LRRFIP2: variants seen among roughly 807,000 people sequenced by gnomAD.
LRRFIP2 encodes the protein LRR binding FLII interacting protein 2.
LRRFIP2 carries 109 observed loss-of-function variants against 125.9 expected under a neutral mutation model. The ratio of observed to expected loss-of-function variants is 0.87; its 90% CI spans 0.74 to 1.01. The LOEUF (loss-of-function observed/expected upper bound fraction) is 1.01. LRRFIP2 is among the 50% of genes least tolerant of loss of function. The pLI is 0.00. For synonymous variants in LRRFIP2, 291 were observed against 293.1 expected, an observed-to-expected ratio of 0.99 and a Z score of 0.07; for missense variants, 850 against 862.3, an observed-to-expected ratio of 0.99 and a Z score of 0.18.
At chr3:37,159,792 C>G (rs571948065) in intron 1 of LRRFIP2, among the ~76,000 whole-genome samples, 4 of 150,468 alleles carry the variant, frequency 2.7e-5, no homozygotes, top group African/African-American at 9.8e-5. Flanking sequence ...CAGGCGTGAG[C>G]CACTGCACCC....
intron 20 of LRRFIP2, among the ~76,000 whole-genome samples, chr3:37,073,672 CAA>C (rs2091626191): frequency 6.6e-6 from 1 of 152,106 alleles, no homozygotes; most frequent in Admixed American, 6.5e-5. Context: ...CTATAGTTCT[CAA>C]AGTTTGTATA....
intron 1 of LRRFIP2, among the ~76,000 whole-genome samples, chr3:37,151,811 T>C (rs1424838604): frequency 6.6e-6 from 1 of 152,160 alleles, no homozygotes; most frequent in Non-Finnish European, 1.5e-5. Context: ...TTGGCCAGGC[T>C]GGTCTTGAAC....
chr3:37,094,442 C>T (rs1254510701), intron 17 of LRRFIP2, among the ~76,000 whole-genome samples: 1 of 152,106 alleles, frequency 6.6e-6, no homozygotes, highest in Non-Finnish European at 1.5e-5. Context: ...CTAATAATTC[C>T]CACAATCTAG....
chr3:37,144,910 T>A (rs569521089), intron 2 of LRRFIP2, among the ~76,000 whole-genome samples: 1 of 152,298 alleles, frequency 6.6e-6, no homozygotes, highest in African/African-American at 2.4e-5. Context: ...AGTAAAACAT[T>A]CAAAGAAAAT....
intron 2 of LRRFIP2, 90 bp downstream of exon 2, chr3:37,148,804 C>G (rs1301085761): frequency 4.3e-6 from 6 of 1,391,902 alleles, no homozygotes; most frequent in Admixed American, 4.0e-5. Context: ...GAAACTAGTT[C>G]AATGAGTAAA....
At chr3:37,174,260 T>C (rs569162818) in intron 1 of LRRFIP2, 1 of 152,226 alleles carries the variant, frequency 6.6e-6, no homozygotes, top group South Asian at 2.1e-4. Flanking sequence ...AAAACAAGGG[T>C]AAGGGTATTA....
intron 1 of LRRFIP2, among the ~76,000 whole-genome samples, chr3:37,173,891 T>C (rs766039141): frequency 6.6e-6 from 1 of 152,344 alleles, no homozygotes; most frequent in Non-Finnish European, 1.5e-5. Flanking sequence ...TTTCCTTTCG[T>C]TAACGGAGAT....
intron 8 of LRRFIP2, 55 bp from the exon 9 acceptor site, chr3:37,111,120 C>A: frequency 4.1e-6 from 6 of 1,457,350 alleles, no homozygotes; most frequent in Non-Finnish European, 5.7e-6. Flanking sequence ...AATAACCTAA[C>A]AACACACAAA....
intron 25 of LRRFIP2, 103 bp downstream of exon 25, chr3:37,058,687 A>G (rs2087638089): frequency 1.5e-5 from 19 of 1,305,442 alleles, no homozygotes; most frequent in Non-Finnish European, 1.6e-5. Context: ...AAAAAAAAAA[A>G]AAAAGAAAAG....
chr3:37,089,940 A>T (rs1299899839), intron 18 of LRRFIP2, among the ~76,000 whole-genome samples: 1 of 152,174 alleles, frequency 6.6e-6, no homozygotes, highest in African/African-American at 2.4e-5. Context: ...TTACTGACAA[A>T]CTCATGCTGC....
At chr3:37,146,410 T>G (rs950350576) in intron 2 of LRRFIP2, among the ~76,000 whole-genome samples, 2 of 152,148 alleles carry the variant, frequency 1.3e-5, no homozygotes, top group Non-Finnish European at 2.9e-5. Context: ...ACCTATCACC[T>G]AGGTATTTAG....
chr3:37,122,663 T>C (rs999923564), intron 4 of LRRFIP2, among the ~76,000 whole-genome samples: 10 of 152,188 alleles, frequency 6.6e-5, no homozygotes, highest in Non-Finnish European at 1.5e-4. Context: ...GATTGTGTTG[T>C]TAATATGAAA....
chr3:37,113,140 T>A (rs946123789), intron 7 of LRRFIP2, among the ~76,000 whole-genome samples, 160 bp from the exon 8 acceptor site: 3 of 152,172 alleles, frequency 2.0e-5, no homozygotes, highest in Non-Finnish European at 4.4e-5. Context: ...TCACTGCACT[T>A]TACTAGCTAG....
chr3:37,059,527 G>A (rs1488274177), intron 24 of LRRFIP2, among the ~76,000 whole-genome samples: 1 of 152,114 alleles, frequency 6.6e-6, no homozygotes, highest in Non-Finnish European at 1.5e-5. Context: ...GGTGGCTCAC[G>A]CCTGTAATCC....
At chr3:37,161,532 T>A (rs1290233425) in intron 1 of LRRFIP2, among the ~76,000 whole-genome samples, 1 of 152,124 alleles carries the variant, frequency 6.6e-6, no homozygotes, top group Non-Finnish European at 1.5e-5. Flanking sequence ...TATAACAGAC[T>A]AGTGCTTTCC....
chr3:37,130,944 G>C (rs1008629704), intron 2 of LRRFIP2, among the ~76,000 whole-genome samples: 1 of 152,182 alleles, frequency 6.6e-6, no homozygotes, highest in African/African-American at 2.4e-5. Flanking sequence ...TGTGAAGAAG[G>C]AAAAAGAAAT....
chr3:37,150,949 C>T (rs1000698864), intron 1 of LRRFIP2, among the ~76,000 whole-genome samples: 5 of 152,184 alleles, frequency 3.3e-5, no homozygotes, highest in African/African-American at 9.7e-5. Flanking sequence ...CACCATTTCT[C>T]ATTCATCAGA....
rs1315655264 is a variant in LRRFIP2 at position 37,058,793 on chromosome 3, G to A, written c.1867C>T (p.Gln623Ter). The A allele has an allele frequency of 1.2e-6, 2 of 1,613,754 alleles. No homozygotes were observed. Among genetic ancestry groups the A allele is most frequent in the Non-Finnish European group, 1.7e-6 (2 of 1,179,914 alleles). ...TGGCCTGTCCCCTGGTACCTACTCT[G>A]CATTTCGATGAACTGCAAGTCTGAG... Reference protein sequence around the residue: ...NGSDLQFIEMQRDANRQISEY... With the variant: ...NGSDLQFIEM The change falls in exon 25 of 28, where the codon CAG becomes TAG. Residue 623 changes from glutamine to a stop codon, truncating the protein, a stop_gained. Transcript: ENST00000336686. LOFTEE classifies it high-confidence loss of function.
chr3:37,174,366 A>G (rs1432378618), intron 1 of LRRFIP2, 173 bp downstream of exon 1: 6 of 152,232 alleles, frequency 3.9e-5, no homozygotes, highest in Non-Finnish European at 8.8e-5. Context: ...TCTAGTTTAA[A>G]GTGAATCCAT....
Sources: allele counts gnomAD v4.1 joint callset (sites outside exome capture counted in the v4.1 genomes callset), GRCh38; gene constraint gnomAD v4.1.1; transcripts MANE v1.5; gene names NCBI Gene and HGNC (gene_info 2026-07-23, HGNC 2026-07-21).